Variants in RUNX1 observed in about 807,000 individuals in gnomAD.
RUNX1 encodes the protein RUNX family transcription factor 1, also known as runt-related transcription factor 1.
A neutral mutation model predicts 42.8 loss-of-function variants in RUNX1; 19 were observed. The observed-to-expected ratio is 0.44, with a 90% CI of 0.31 to 0.65. RUNX1 has a LOEUF of 0.65. Ranked by LOEUF, RUNX1 falls within the 30% of genes least tolerant of loss-of-function variation. RUNX1 has a pLI of 0.07. For synonymous variants in RUNX1, 271 were observed against 289.4 expected (o/e 0.94, Z 0.64); for missense variants, 528 against 672.0 (o/e 0.79, Z 2.37).
chr21:34,897,152 A>T (rs1413862752), intron 2 of RUNX1, among the ~76,000 whole-genome samples: 1 of 152,148 alleles, frequency 6.6e-6, no homozygotes, highest in East Asian at 1.9e-4. Context: ...ACTTGGATCC[A>T]TGGATTGATC....
intron 2 of RUNX1, among the ~76,000 whole-genome samples, chr21:34,908,576 A>G (rs922673975): frequency 1.3e-5 from 2 of 152,074 alleles, no homozygotes; most frequent in African/African-American, 4.8e-5. Flanking sequence ...TTTTGTGGAC[A>G]GGGGGGTCGG....
chr21:34,824,724 G>C (rs573362639), intron 7 of RUNX1, among the ~76,000 whole-genome samples: 1 of 152,154 alleles, frequency 6.6e-6, no homozygotes, highest in African/African-American at 2.4e-5. Context: ...GGGCCAGAGA[G>C]AAATAAGCAA....
At chr21:34,994,482 G>A (rs950588871) in intron 2 of RUNX1, among the ~76,000 whole-genome samples, 2 of 151,988 alleles carry the variant, frequency 1.3e-5, no homozygotes, top group African/African-American at 4.8e-5. Context: ...CGTGATTATT[G>A]TATATTGCAT....
At chr21:34,844,198 T>C (rs1392780022) in intron 6 of RUNX1, among the ~76,000 whole-genome samples, 1 of 152,178 alleles carries the variant, frequency 6.6e-6, no homozygotes, top group East Asian at 1.9e-4. Flanking sequence ...AGAAGGCGAC[T>C]TGCAGAAGAG....
At chr21:34,945,696 GTTCCT>G (rs1025092489) in intron 2 of RUNX1, among the ~76,000 whole-genome samples, 6 of 152,146 alleles carry the variant, frequency 3.9e-5, no homozygotes, top group Admixed American at 1.3e-4. Flanking sequence ...CTCTCTGACA[GTTCCT>G]TTCATCTTCT....
intron 2 of RUNX1, among the ~76,000 whole-genome samples, chr21:34,931,303 G>A (rs1168082129): frequency 1.4e-5 from 2 of 147,442 alleles, no homozygotes; most frequent in Non-Finnish European, 3.0e-5. Context: ...TTGAAAACAA[G>A]TTAATCAACA....
At chr21:34,896,207 A>G (rs896628109) in intron 2 of RUNX1, among the ~76,000 whole-genome samples, 1 of 152,156 alleles carries the variant, frequency 6.6e-6, no homozygotes, top group African/African-American at 2.4e-5. Context: ...TAGAATATCT[A>G]TTGTAGTTTC....
At chr21:34,978,229 C>T (rs904922000) in intron 2 of RUNX1, among the ~76,000 whole-genome samples, 13 of 152,174 alleles carry the variant, frequency 8.5e-5, no homozygotes, top group East Asian at 3.9e-4. Context: ...TGAGCCACCG[C>T]GCCCCGCCCA....
At chr21:34,931,139 C>T (rs561454444) in intron 2 of RUNX1, among the ~76,000 whole-genome samples, 5 of 151,968 alleles carry the variant, frequency 3.3e-5, no homozygotes, top group South Asian at 2.1e-4. Flanking sequence ...TTCTGATGAA[C>T]GCATAAAAGG....
At chr21:34,845,792 C>T (rs1464143750) in intron 6 of RUNX1, among the ~76,000 whole-genome samples, 2 of 151,958 alleles carry the variant, frequency 1.3e-5, no homozygotes, top group African/African-American at 4.8e-5. Flanking sequence ...TATAGTAAAG[C>T]TACTGTATAG....
At chr21:34,862,069 G>A (rs1362842655) in intron 5 of RUNX1, among the ~76,000 whole-genome samples, 1 of 151,922 alleles carries the variant, frequency 6.6e-6, no homozygotes, top group Non-Finnish European at 1.5e-5. Flanking sequence ...AATAGATAAT[G>A]CCATTGTCCC....
rs2146454242 is a variant in RUNX1, at chr21:34,892,934, C to G, written c.88G>C (p.Asp30His). The change falls in exon 3 of 9, where the codon GAC (aspartate) becomes CAC (histidine). Residue 30 changes from aspartate (D) to histidine (H), a missense_variant. Asp to His is a moderately conservative substitution (Grantham distance 81). This residue lies in a region of RUNX1 where 114 missense variants were observed against 115.0 expected (regional missense o/e 0.99). Coordinates refer to ENST00000675419, the MANE Select transcript of RUNX1 (RefSeq NM_001754.5). ...TTGGAATTTAACATACCGTGGACGT[C>G]TCTAGAAGGATTCATTCCAAGTATG... ...ECILGMNPSR[D>H]VHDASTSRRF... 6 of 1,565,834 alleles carry G rather than the reference C, an allele frequency of 3.8e-6. No individual in the cohort carries two copies. The highest frequency in any genetic ancestry group is 5.3e-6 in the Non-Finnish European group (6 of 1,136,778).
At chr21:34,910,343 C>T (rs2058262196) in intron 2 of RUNX1, among the ~76,000 whole-genome samples, 1 of 152,092 alleles carries the variant, frequency 6.6e-6, no homozygotes, top group African/African-American at 2.4e-5. Flanking sequence ...TTGGTAATTT[C>T]CTGATAGAAA....
In RUNX1 at chr21:34,804,218, GAC is replaced by G. The variant is rs112603234; in HGVS notation, c.806-4758_806-4757del. 6.2e-4 allele frequency among the ~76,000 whole-genome samples: 94 copies of G among 152,288 alleles called. 1 individual carries two copies. In the Middle Eastern group the frequency reaches 0.01, roughly 17 times the overall value. On this transcript the variant is annotated intron_variant, in intron 7 of 8. Transcript: ENST00000675419. ...TCAGTACAGACTAGTGTGCGAATAA[GAC>G]ACTCCTAGGGGCTACAGTTTCAGGA...
At chr21:34,956,578 G>T (rs1295755942) in intron 2 of RUNX1, among the ~76,000 whole-genome samples, 2 of 152,144 alleles carry the variant, frequency 1.3e-5, no homozygotes, top group African/African-American at 4.8e-5. Context: ...GGCCAGTCTT[G>T]TTTGTCACCA....
At chr21:35,035,568 T>C (rs528630625) in intron 2 of RUNX1, among the ~76,000 whole-genome samples, 1 of 152,350 alleles carries the variant, frequency 6.6e-6, no homozygotes, top group African/African-American at 2.4e-5. Flanking sequence ...GAGGTTTTGA[T>C]TAAAAGAGAC....
intron 2 of RUNX1, among the ~76,000 whole-genome samples, chr21:34,964,500 A>G (rs1444373622): frequency 1.3e-5 from 2 of 151,908 alleles, no homozygotes; most frequent in African/African-American, 2.4e-5. Context: ...AAAAAAAAAA[A>G]AAAGAAAAGA....
At chr21:35,009,159 C>T (rs1366425795) in intron 2 of RUNX1, among the ~76,000 whole-genome samples, 1 of 152,212 alleles carries the variant, frequency 6.6e-6, no homozygotes, top group Non-Finnish European at 1.5e-5. Flanking sequence ...TTGAAACTTT[C>T]CATGATGTAT....
At chr21:34,867,570 A>G (rs1380246937) in intron 5 of RUNX1, among the ~76,000 whole-genome samples, 1 of 152,218 alleles carries the variant, frequency 6.6e-6, no homozygotes, top group East Asian at 1.9e-4. Context: ...CAGGCAGGGG[A>G]AAAGCTCAGG....
Sources: gnomAD v4.1 joint callset for allele counts (sites outside exome capture counted in the v4.1 genomes callset) on GRCh38, gnomAD v4.1.1 for gene constraint, gnomAD v4.1.1 regional missense constraint, MANE v1.5 for transcripts, NCBI Gene and HGNC (gene_info 2026-07-23, HGNC 2026-07-21) for gene names.